Variants in ADAM22 observed in about 807,000 individuals in gnomAD.
ADAM22 encodes disintegrin and metalloproteinase domain-containing protein 22.
A neutral mutation model predicts 144.6 loss-of-function variants in ADAM22; 65 were observed. The ratio of observed to expected loss-of-function variants is 0.45; its 90% CI spans 0.37 to 0.55. ADAM22 has a LOEUF of 0.55. ADAM22 is among the 20% of genes least tolerant of loss of function. The pLI, the probability that ADAM22 is intolerant of heterozygous loss-of-function variation, is 0.00. For missense variants in ADAM22, 974 were observed against 1,184.9 expected (o/e 0.82, Z 2.61); for synonymous variants, 391 against 412.6 (o/e 0.95, Z 0.63).
chr7:88,020,434 A>G (rs933535383), intron 3 of ADAM22, among the ~76,000 whole-genome samples: 1 of 152,190 alleles, frequency 6.6e-6, no homozygotes, highest in Non-Finnish European at 1.5e-5. Flanking sequence ...GGGGTTCTCC[A>G]TGCTTGGAGG....
At chr7:88,037,502 T>C (rs1340171431) in intron 3 of ADAM22, among the ~76,000 whole-genome samples, 4 of 152,152 alleles carry the variant, frequency 2.6e-5, no homozygotes, top group Non-Finnish European at 5.9e-5. Context: ...TTCACCCTGT[T>C]GTCTAATTTT....
Position 88,165,895 on chromosome 7 carries a change from T to TA in ADAM22, c.2141dup (p.Tyr714Ter). The TA allele has an allele frequency of 1.9e-6, 3 of 1,612,096 alleles. No homozygotes were observed. The highest frequency in any genetic ancestry group is 2.5e-6 in the Non-Finnish European group (3 of 1,178,956). ...CTGGATAGGTTCTGATTGCAACACT[T>TA]ACTTCCCTCACAATGATGATGCAAA... Reference protein sequence around the residue: ...RHWIGSDCNTYFPHNDDAKTG... With the variant: ...RHWIGSDCNT Residue 714 changes from tyrosine (Y) to a stop codon, truncating the protein, a stop_gained and frameshift_variant, in exon 24 of 32, where the codon TAC (tyrosine) becomes TAAC (stop). Coordinates refer to ENST00000413139, the MANE Select transcript of ADAM22 (RefSeq NM_001324418.2). LOFTEE classifies it high-confidence loss of function.
chr7:88,025,288 G>A (rs1200093727), intron 3 of ADAM22, among the ~76,000 whole-genome samples: 1 of 152,098 alleles, frequency 6.6e-6, no homozygotes, highest in East Asian at 1.9e-4. Context: ...TTTGTCAGAT[G>A]GTTAATTTGC....
chr7:88,118,520 A>G (rs1828382737), intron 7 of ADAM22, among the ~76,000 whole-genome samples: 1 of 152,090 alleles, frequency 6.6e-6, no homozygotes, highest in Non-Finnish European at 1.5e-5. Context: ...CTGTGTGGGA[A>G]TAAAGCTATA....
At chr7:88,060,051 T>C (rs1809363133) in intron 3 of ADAM22, among the ~76,000 whole-genome samples, 1 of 152,150 alleles carries the variant, frequency 6.6e-6, no homozygotes, top group Non-Finnish European at 1.5e-5. Context: ...GTCTAGTAAG[T>C]GTGCAACAGC....
chr7:87,983,027 C>G (rs576041409), intron 3 of ADAM22, among the ~76,000 whole-genome samples: 34 of 152,030 alleles, frequency 2.2e-4, no homozygotes, highest in South Asian at 1.5e-3. Context: ...TGAAAACAAT[C>G]TCTTCTGAAG....
intron 3 of ADAM22, among the ~76,000 whole-genome samples, chr7:88,025,910 A>G (rs1231496104): frequency 6.6e-6 from 1 of 152,146 alleles, no homozygotes; most frequent in East Asian, 1.9e-4. Flanking sequence ...GAAGAATGTC[A>G]TTGGTATTTA....
At chr7:88,076,620 T>C (rs1349417725) in intron 4 of ADAM22, among the ~76,000 whole-genome samples, 1 of 152,126 alleles carries the variant, frequency 6.6e-6, no homozygotes, top group Non-Finnish European at 1.5e-5. Context: ...GGATACTGGT[T>C]ATGACAGGTA....
At chr7:87,961,968 C>T (rs575455080) in intron 2 of ADAM22, among the ~76,000 whole-genome samples, 1 of 152,268 alleles carries the variant, frequency 6.6e-6, no homozygotes, top group South Asian at 2.1e-4. Flanking sequence ...CATCGAGGTT[C>T]CCTGAAGCTC....
chr7:88,174,091 A>C (rs1845027957), intron 26 of ADAM22, among the ~76,000 whole-genome samples: 2 of 152,120 alleles, frequency 1.3e-5, no homozygotes, highest in South Asian at 4.1e-4. Context: ...AAGTACCAAA[A>C]TGGGCATAAC....
intron 3 of ADAM22, among the ~76,000 whole-genome samples, chr7:87,996,196 G>A (rs1390479286): frequency 6.6e-6 from 1 of 152,166 alleles, no homozygotes; most frequent in East Asian, 1.9e-4. Context: ...GGAAACCTCC[G>A]GCAGTAGATT....
rs1175758724 is a variant in ADAM22, at chr7:87,982,068, T to TACACACAC, written c.323+3690_323+3697dup. 3.6e-3 allele frequency among the ~76,000 whole-genome samples: 337 copies of TACACACAC among 93,716 alleles called. 1 individual carries two copies. The highest frequency in any genetic ancestry group is 8.1e-3 in the South Asian group (17 of 2,106). 61.5% of individuals were successfully genotyped at this position (93,716 alleles called of 152,430 possible). ...TCATATATATATATATATATATATA[T>TACACACAC]ACACACACACACACACACACACACA... On this transcript the variant is annotated intron_variant, in intron 3 of 31. Coordinates refer to ENST00000413139, the MANE Select transcript of ADAM22 (RefSeq NM_001324418.2).
chr7:88,072,682 A>G (rs545012953), intron 3 of ADAM22, among the ~76,000 whole-genome samples: 3 of 152,176 alleles, frequency 2.0e-5, no homozygotes, highest in African/African-American at 7.2e-5. Context: ...TCTTTCCTTC[A>G]TCAGCTGAAT....
At chr7:87,993,321 T>C (rs1259839034) in intron 3 of ADAM22, among the ~76,000 whole-genome samples, 1 of 152,248 alleles carries the variant, frequency 6.6e-6, no homozygotes, top group East Asian at 1.9e-4. Flanking sequence ...GGAATTTTTA[T>C]TGAATTTTAT....
intron 3 of ADAM22, among the ~76,000 whole-genome samples, chr7:88,065,646 C>T (rs756113503): frequency 4.3e-4 from 65 of 151,808 alleles, no homozygotes; most frequent in Non-Finnish European, 9.0e-4. Context: ...ATGGTATGAC[C>T]ACCTTTTGAT....
At chr7:88,135,917 G>A in intron 13 of ADAM22, 63 bp from the exon 14 acceptor site, 1 of 1,401,378 alleles carries the variant, frequency 7.1e-7, no homozygotes, top group East Asian at 2.5e-5. Flanking sequence ...TTTTAAAACA[G>A]AAACTACTTT....
chr7:88,064,195 C>G (rs571319530), intron 3 of ADAM22, among the ~76,000 whole-genome samples: 1 of 152,092 alleles, frequency 6.6e-6, no homozygotes, highest in East Asian at 1.9e-4. Flanking sequence ...TTTATAGTTA[C>G]GTAGAAAAGT....
intron 3 of ADAM22, among the ~76,000 whole-genome samples, chr7:88,006,191 A>G (rs549664242): frequency 6.6e-6 from 1 of 152,268 alleles, no homozygotes; most frequent in Non-Finnish European, 1.5e-5. Flanking sequence ...CTCTCCCAAT[A>G]CTAAACCAGG....
intron 3 of ADAM22, among the ~76,000 whole-genome samples, chr7:88,014,902 C>T (rs187504929): frequency 6.6e-6 from 1 of 152,318 alleles, no homozygotes; most frequent in East Asian, 1.9e-4. Flanking sequence ...CTAAGTCCCA[C>T]CCACAGAGAT....
Sources: allele counts gnomAD v4.1 joint callset (sites outside exome capture counted in the v4.1 genomes callset), GRCh38; gene constraint gnomAD v4.1.1; transcripts MANE v1.5; gene names NCBI Gene and HGNC (gene_info 2026-07-23, HGNC 2026-07-21).